The following FANCB variants were observed in gnomAD, a reference collection of about 807,000 sequenced individuals.
FANCB encodes the protein Fanconi anemia group B protein.
Under a neutral mutation model 38.9 loss-of-function variants are expected in FANCB, and 5 were observed. The ratio of observed to expected loss-of-function variants is 0.13; its 90% CI spans 0.07 to 0.27. The LOEUF is 0.27. Ranked by LOEUF, FANCB falls within the 10% of genes least tolerant of loss-of-function variation. The probability of loss-of-function intolerance (pLI) is 1.00; values close to 1 mark genes in which losing one functional copy is unlikely to be tolerated. For synonymous variants in FANCB, 236 were observed against 215.4 expected (o/e 1.10, Z -0.84); for missense variants, 573 against 602.7 (o/e 0.95, Z 0.52).
chrX:14,717,363 T>G, the FANCB span, among the ~76,000 whole-genome samples: 1 of 106,335 alleles, frequency 9.4e-6, no homozygotes, highest in Non-Finnish European at 2.0e-5. Context: ...AAAAAAAAAG[T>G]AGATATCAAG....
chrX:14,808,342 T>C, the FANCB span, among the ~76,000 whole-genome samples: 1 of 111,198 alleles, frequency 9.0e-6, no homozygotes, highest in Admixed American at 9.5e-5. Flanking sequence ...AATTCAACAG[T>C]ACATTAAAAA....
At chrX:14,721,763 T>C in the FANCB span, among the ~76,000 whole-genome samples, 20 of 111,717 alleles carry the variant, frequency 1.8e-4, no homozygotes, top group Non-Finnish European at 3.2e-4. Flanking sequence ...ACTTGGACAC[T>C]TAATGGCCTG....
At chrX:14,848,966 G>T (rs779550452) in intron 7 of FANCB, among the ~76,000 whole-genome samples, 1 of 111,022 alleles carries the variant, frequency 9.0e-6, no homozygotes, top group Non-Finnish European at 1.9e-5. Flanking sequence ...TCAACCTGCC[G>T]ATCTGCCTAG....
intron 6 of FANCB, among the ~76,000 whole-genome samples, chrX:14,851,153 CAT>C (rs1228508144): frequency 8.9e-6 from 1 of 112,109 alleles, no homozygotes; most frequent in Non-Finnish European, 1.9e-5. Context: ...TTTCCACACA[CAT>C]GTGGATATAT....
At chrX:14,803,467 C>T in the FANCB span, among the ~76,000 whole-genome samples, 1 of 112,520 alleles carries the variant, frequency 8.9e-6, no homozygotes, top group African/African-American at 3.2e-5. Flanking sequence ...TCAGCAAATG[C>T]TATTGCAGAA....
the FANCB span, among the ~76,000 whole-genome samples, chrX:14,738,389 T>C: frequency 8.9e-6 from 1 of 112,215 alleles, no homozygotes; most frequent in African/African-American, 3.2e-5. Flanking sequence ...GAGACCTTCT[T>C]ACCTGTTTTC....
the FANCB span, among the ~76,000 whole-genome samples, chrX:14,725,382 G>C: frequency 9.0e-6 from 1 of 110,671 alleles, no homozygotes; most frequent in Non-Finnish European, 1.9e-5. Flanking sequence ...CACTGTATTT[G>C]GACACATATT....
the FANCB span, among the ~76,000 whole-genome samples, chrX:14,764,261 G>GCAGCTGTA: frequency 9.0e-6 from 1 of 110,728 alleles, no homozygotes; most frequent in Non-Finnish European, 1.9e-5. Context: ...ACTGTTCCTT[G>GCAGCTGTA]CAGCTGTACG....
chrX:14,853,523 T>C (rs927021002), intron 5 of FANCB, among the ~76,000 whole-genome samples: 3 of 112,049 alleles, frequency 2.7e-5, no homozygotes, highest in Non-Finnish European at 3.8e-5. Flanking sequence ...AAAATAACTT[T>C]TTCTTTTTGA....
chrX:14,826,790 A>T, the FANCB span, among the ~76,000 whole-genome samples: 1 of 112,189 alleles, frequency 8.9e-6, no homozygotes, highest in East Asian at 2.8e-4. Context: ...GGCTTTTTGT[A>T]TGTGACTGAA....
intron 5 of FANCB, among the ~76,000 whole-genome samples, chrX:14,854,211 G>A (rs2092413726): frequency 9.0e-6 from 1 of 111,093 alleles, no homozygotes; most frequent in African/African-American, 3.3e-5. Flanking sequence ...TCAGTAATTC[G>A]TGACAGGGGG....
chrX:14,792,697 GC>G, the FANCB span, among the ~76,000 whole-genome samples: 1 of 111,474 alleles, frequency 9.0e-6, no homozygotes, highest in Non-Finnish European at 1.9e-5. Context: ...GTAAAGAGTT[GC>G]CTTTTTCTAA....
chrX:14,816,942 C>G, the FANCB span, among the ~76,000 whole-genome samples: 4 of 111,836 alleles, frequency 3.6e-5, no homozygotes, highest in South Asian at 7.4e-4. Flanking sequence ...AGCTCACAAG[C>G]TTATTGTAAG....
the FANCB span, among the ~76,000 whole-genome samples, chrX:14,727,597 T>C: frequency 8.9e-6 from 1 of 112,379 alleles, no homozygotes; most frequent in African/African-American, 3.2e-5. Flanking sequence ...ATGAGGACAC[T>C]GATGACACTG....
At chrX:14,844,387 C>G (rs1232891236) in intron 9 of FANCB, 116 bp downstream of exon 9, 11 of 560,650 alleles carry the variant, frequency 2.0e-5, no homozygotes, top group Non-Finnish European at 3.5e-5. Context: ...GGCCATGGCT[C>G]TGTATTATTG....
the FANCB span, among the ~76,000 whole-genome samples, chrX:14,732,040 G>A: frequency 2.8e-5 from 3 of 106,152 alleles, no homozygotes; most frequent in South Asian, 4.3e-4. Flanking sequence ...CCTAGCCCCC[G>A]ACCCCCCCGA....
the FANCB span, chrX:14,690,856 T>C: frequency 8.3e-7 from 1 of 1,208,932 alleles, no homozygotes; most frequent in Non-Finnish European, 1.1e-6. Flanking sequence ...AGAGGCAGAA[T>C]AAGGTATGAT....
chrX:14,723,598 G>GCCCT, the FANCB span, among the ~76,000 whole-genome samples: 2 of 111,534 alleles, frequency 1.8e-5, no homozygotes, highest in Non-Finnish European at 3.8e-5. Context: ...GGTTTACAGG[G>GCCCT]CCCTATATGA....
the FANCB span, among the ~76,000 whole-genome samples, chrX:14,724,391 C>T: frequency 3.7e-5 from 4 of 109,579 alleles, no homozygotes; most frequent in Non-Finnish European, 5.7e-5. Context: ...TTTGGGAGGC[C>T]GAAGCGGGTG....
Sources: gnomAD v4.1 joint callset for allele counts (sites outside exome capture counted in the v4.1 genomes callset) on GRCh38, gnomAD v4.1.1 for gene constraint, MANE v1.5 for transcripts, NCBI Gene and HGNC (gene_info 2026-07-23, HGNC 2026-07-21) for gene names.